PAFAH1B1: variants seen among roughly 807,000 people sequenced by gnomAD.
The protein encoded by PAFAH1B1 is platelet-activating factor acetylhydrolase IB subunit beta.
A neutral mutation model predicts 57.5 loss-of-function variants in PAFAH1B1; 2 were observed. That is an observed-to-expected ratio of 0.03 (90% CI 0.01 to 0.11). PAFAH1B1 has a LOEUF of 0.11. PAFAH1B1 is among the 10% of genes least tolerant of loss of function. PAFAH1B1 has a pLI of 1.00. For synonymous variants in PAFAH1B1, 152 were observed against 169.6 expected (o/e 0.90, Z 0.81); for missense variants, 257 against 512.0 (o/e 0.50, Z 4.81).
intron 1 of PAFAH1B1, among the ~76,000 whole-genome samples, chr17:2,601,505 G>C (rs866206894): frequency 1.3e-5 from 2 of 152,104 alleles, no homozygotes; most frequent in South Asian, 2.1e-4. Context: ...GCAATGGCAT[G>C]ATCTTGGCTT....
chr17:2,681,563 C>G (rs2069385038), intron 10 of PAFAH1B1, 166 bp from the exon 11 acceptor site: 2 of 602,666 alleles, frequency 3.3e-6, no homozygotes, highest in Non-Finnish European at 5.9e-6. Flanking sequence ...CTTCCCAGCT[C>G]AAACAGTTCT....
chr17:2,598,198 G>A (rs962412632), intron 1 of PAFAH1B1, among the ~76,000 whole-genome samples: 5 of 151,988 alleles, frequency 3.3e-5, no homozygotes. Context: ...GCAATGAGCC[G>A]AGATCGCACC....
At chr17:2,657,103 C>T (rs1293868814) in intron 2 of PAFAH1B1, among the ~76,000 whole-genome samples, 1 of 152,154 alleles carries the variant, frequency 6.6e-6, no homozygotes, top group Admixed American at 6.5e-5. Flanking sequence ...TTCTTTGACA[C>T]AAGTGTTTCT....
chr17:2,648,850 A>G (rs1246215948), intron 2 of PAFAH1B1, among the ~76,000 whole-genome samples: 1 of 152,142 alleles, frequency 6.6e-6, no homozygotes, highest in East Asian at 1.9e-4. Context: ...ACATTAAAAT[A>G]TAAATACTAG....
chr17:2,673,994 A>G, intron 7 of PAFAH1B1, 66 bp from the exon 8 acceptor site: 3 of 1,125,478 alleles, frequency 2.7e-6, no homozygotes, highest in South Asian at 1.3e-5. Context: ...ACATATTTTT[A>G]TATCACTTCT....
At chr17:2,648,450 G>C (rs1055991551) in intron 2 of PAFAH1B1, among the ~76,000 whole-genome samples, 16 of 152,062 alleles carry the variant, frequency 1.1e-4, no homozygotes, top group Admixed American at 1.0e-3. Context: ...GCCAAAGTGG[G>C]TGGATCACTT....
At chr17:2,680,344 T>C in intron 10 of PAFAH1B1, 24 bp downstream of exon 10, 1 of 1,609,368 alleles carries the variant, frequency 6.2e-7, no homozygotes, top group Non-Finnish European at 8.5e-7. Flanking sequence ...GCGAGGTCTC[T>C]GAACATTAGA....
At chr17:2,623,088 T>C (rs2068444803) in intron 1 of PAFAH1B1, among the ~76,000 whole-genome samples, 1 of 151,996 alleles carries the variant, frequency 6.6e-6, no homozygotes, top group Non-Finnish European at 1.5e-5. Flanking sequence ...GAAACCACTT[T>C]TTTCTCCTGG....
intron 5 of PAFAH1B1, among the ~76,000 whole-genome samples, chr17:2,669,374 G>C (rs181422083): frequency 1.6e-3 from 239 of 150,588 alleles, no homozygotes; most frequent in Non-Finnish European, 2.8e-3. Flanking sequence ...AAGCAATTCT[G>C]CCTCAGCCTC....
In PAFAH1B1 at chr17:2,665,487, A is replaced by G. The variant is rs369811422; in HGVS notation, c.117+31A>G. 42 of 1,221,154 alleles carry G rather than the reference A, an allele frequency of 3.4e-5. No homozygotes were observed. In the African/African-American group the frequency reaches 5.6e-4, roughly 16 times the overall value. 75.6% of individuals were successfully genotyped at this position (1,221,154 alleles called of 1,614,324 possible). On this transcript the variant is annotated intron_variant, in intron 3 of 10. Transcript: ENST00000397195. Reference sequence around the variant, plus strand: ...TTTTACTTTTTACAATTCAAAGTATAGTTAATGAGTGGATTTTCACTCAAG... The same window carrying G: ...TTTTACTTTTTACAATTCAAAGTATGGTTAATGAGTGGATTTTCACTCAAG...
chr17:2,608,531 G>C (rs2151613170), intron 1 of PAFAH1B1, among the ~76,000 whole-genome samples: 1 of 152,316 alleles, frequency 6.6e-6, no homozygotes, highest in East Asian at 1.9e-4. Flanking sequence ...GGCTGGGTGT[G>C]GTGGCTCACA....
At chr17:2,647,020 C>G (rs1283732088) in intron 2 of PAFAH1B1, among the ~76,000 whole-genome samples, 1 of 151,826 alleles carries the variant, frequency 6.6e-6, no homozygotes, top group East Asian at 1.9e-4. Flanking sequence ...TCTCTTGAGT[C>G]CAGCCTAGCC....
chr17:2,661,094 G>T lies in PAFAH1B1; in HGVS notation c.33-4278G>T, dbSNP rs569544435. On this transcript the variant is annotated intron_variant, in intron 2 of 10. Coordinates refer to ENST00000397195, the MANE Select transcript of PAFAH1B1 (RefSeq NM_000430.4). ...CATATCCTTTGCCCACTTTTTGATGGTTTTTTTTTCCCGTTCTGTAGGTTG... is the reference window on the plus strand; with the variant it reads ...CATATCCTTTGCCCACTTTTTGATGTTTTTTTTTTCCCGTTCTGTAGGTTG... Among the ~76,000 whole-genome samples, 231 of 150,564 alleles carry T rather than the reference G, an allele frequency of 1.5e-3. 1 individual carries two copies. Among genetic ancestry groups the T allele is most frequent in the African/African-American group, 5.1e-3 (211 of 41,032 alleles).
intron 1 of PAFAH1B1, among the ~76,000 whole-genome samples, chr17:2,599,953 GATTAATCC>G (rs1224181910): frequency 1.4e-5 from 2 of 140,002 alleles, no homozygotes; most frequent in African/African-American, 5.2e-5. Context: ...TTACAGTGCA[GATTAATCC>G]ATTTTTAACC....
At chr17:2,664,264 C>T (rs2069063662) in intron 2 of PAFAH1B1, among the ~76,000 whole-genome samples, 1 of 152,152 alleles carries the variant, frequency 6.6e-6, no homozygotes, top group East Asian at 1.9e-4. Flanking sequence ...TATTTTGAGA[C>T]GTAGTTTCGC....
chr17:2,655,881 T>C (rs2151649489), intron 2 of PAFAH1B1, among the ~76,000 whole-genome samples: 1 of 151,986 alleles, frequency 6.6e-6, no homozygotes, highest in East Asian at 1.9e-4. Context: ...CTGTGTGGAG[T>C]TGGAGGTCAG....
intron 1 of PAFAH1B1, among the ~76,000 whole-genome samples, chr17:2,595,553 C>A (rs2068076511): frequency 6.6e-6 from 1 of 150,698 alleles, no homozygotes; most frequent in Admixed American, 6.7e-5. Context: ...TTAAAAAATT[C>A]TGATTTGGTT....
At chr17:2,632,687 T>C (rs2068570394) in intron 1 of PAFAH1B1, among the ~76,000 whole-genome samples, 1 of 152,220 alleles carries the variant, frequency 6.6e-6, no homozygotes, top group Non-Finnish European at 1.5e-5. Flanking sequence ...ATTCTCTTAA[T>C]AATACATTAT....
intron 1 of PAFAH1B1, among the ~76,000 whole-genome samples, chr17:2,622,654 G>A (rs540451955): frequency 1.1e-4 from 16 of 152,234 alleles, no homozygotes; most frequent in East Asian, 7.7e-4. Flanking sequence ...TTTTCCAGGC[G>A]ACAGTGCAAG....
Sources: gnomAD v4.1 joint callset for allele counts (sites outside exome capture counted in the v4.1 genomes callset) on GRCh38, gnomAD v4.1.1 for gene constraint, MANE v1.5 for transcripts, NCBI Gene and HGNC (gene_info 2026-07-23, HGNC 2026-07-21) for gene names.